NRROS: variants seen among roughly 807,000 people sequenced by gnomAD.
NRROS encodes the protein transforming growth factor beta activator LRRC33.
NRROS carries 6 observed loss-of-function variants against 12.0 expected under a neutral mutation model. The ratio of observed to expected loss-of-function variants is 0.50; its 90% CI spans 0.27 to 0.98. The LOEUF is 0.98. Ranked by LOEUF, NRROS falls within the 50% of genes least tolerant of loss-of-function variation. NRROS has a pLI of 0.11. For missense variants in NRROS, 857 were observed against 888.2 expected, an observed-to-expected ratio of 0.96 and a Z score of 0.45; for synonymous variants, 462 against 410.2, an observed-to-expected ratio of 1.13 and a Z score of -1.53.
Position 196,654,906 on chromosome 3 carries a change from G to C in NRROS, c.108+259G>C. The stretch of plus-strand genomic sequence containing the variant: ...ATAGGAGGCATCCGAGACCAGCCTA[G>C]GGCATCCTCCCGGAACAAGAACAAC... On this transcript the variant is annotated intron_variant, in intron 2 of 2. Coordinates refer to ENST00000328557, the MANE Select transcript of NRROS (RefSeq NM_198565.3). The surrounding 1 kb of genome is among the most constrained non-coding windows in gnomAD (Gnocchi z 4.4). The C allele has an allele frequency of 2.4e-6, 1 of 417,436 alleles. No individual in the cohort carries two copies. The highest frequency in any genetic ancestry group is 4.3e-6 in the Non-Finnish European group (1 of 234,272). The allele number at this position is 417,436 out of a possible 1,614,324, so 25.9% of individuals were successfully genotyped here.
intron 1 of NRROS, among the ~76,000 whole-genome samples, chr3:196,653,935 G>A (rs1025472029): frequency 1.3e-5 from 2 of 152,062 alleles, no homozygotes; most frequent in Non-Finnish European, 1.5e-5. Flanking sequence ...TTCCCTCCGT[G>A]TTTCCCCCGT....
At chr3:196,645,810 C>A (rs764844232) in intron 1 of NRROS, among the ~76,000 whole-genome samples, 2 of 152,170 alleles carry the variant, frequency 1.3e-5, no homozygotes, top group Non-Finnish European at 2.9e-5. Flanking sequence ...CCTGGGTGCT[C>A]GCTTCTCCCC....
In NRROS at chr3:196,651,206, A is replaced by G. The variant is rs528534538; in HGVS notation, c.-13-3321A>G. Among the ~76,000 whole-genome samples, 5 of 152,320 alleles carry G rather than the reference A, an allele frequency of 3.3e-5. No homozygotes were observed. In the South Asian group the frequency reaches 6.2e-4, roughly 19 times the overall value. ...CTACGAAGAGTGTTTCTCAACCTCA[A>G]TGGTCACTATTTTGAAAGCCTTTTA... On this transcript the variant is annotated intron_variant, in intron 1 of 2. Transcript: ENST00000328557.
chr3:196,646,564 C>CGACGCT (rs1737316739), intron 1 of NRROS, among the ~76,000 whole-genome samples: 2 of 152,182 alleles, frequency 1.3e-5, no homozygotes, highest in African/African-American at 4.8e-5. Flanking sequence ...TCTACCAGGC[C>CGACGCT]GACGCTGACC....
chr3:196,656,187 AAC>A (rs1161880170), intron 2 of NRROS, among the ~76,000 whole-genome samples: 1 of 152,208 alleles, frequency 6.6e-6, no homozygotes, highest in Non-Finnish European at 1.5e-5. Flanking sequence ...AAAAAAATGA[AAC>A]ACATATTTAA....
intron 1 of NRROS, among the ~76,000 whole-genome samples, chr3:196,644,185 G>A (rs1347050919): frequency 2.6e-5 from 4 of 152,128 alleles, no homozygotes; most frequent in Non-Finnish European, 5.9e-5. Context: ...CCATTTTGAA[G>A]GCCTCTGACA....
Position 196,659,915 on chromosome 3 carries a change from GCCAC to G in NRROS, c.274_277del (p.His92TrpfsTer52). 1.9e-6 allele frequency: 3 copies of G among 1,614,090 alleles called. No homozygotes were observed. The highest frequency in any genetic ancestry group is 2.5e-6 in the Non-Finnish European group (3 of 1,180,004). On this transcript the variant is annotated frameshift_variant, in exon 3 of 3. Transcript: ENST00000328557. LOFTEE classifies it low-confidence loss of function (END_TRUNC). ...CTGGAGAGCCTCAGCCTGCACAGCT[GCCAC>G]CTGGAGCGCATCAGCCGCGGCGCCT...
chr3:196,660,021 C>G lies in NRROS; in HGVS notation c.378C>G (p.Ala126=). 1 of 1,613,276 alleles carries G rather than the reference C, an allele frequency of 6.2e-7. No individual in the cohort carries two copies. The highest frequency in any genetic ancestry group is 8.5e-7 in the Non-Finnish European group (1 of 1,179,920). ...CLSENYEETA[A]ALHALPGLRR... is the part of the protein sequence containing the mutation. ...CAGAGAACTACGAAGAGACGGCAGC[C>G]GCCCTCCACGCCCTGCCGGGCCTGC... is the stretch of plus-strand genomic sequence containing the variant. Residue 126 remains alanine (A), a synonymous_variant, in exon 3 of 3, where the codon GCC becomes GCG. Transcript: ENST00000328557. This position sits in a 1 kb window ranked among gnomAD's most constrained non-coding sequence, Gnocchi z 7.7.
intron 1 of NRROS, among the ~76,000 whole-genome samples, chr3:196,643,818 C>T (rs556463948): frequency 9.6e-4 from 146 of 152,304 alleles, no homozygotes; most frequent in Non-Finnish European, 1.9e-3. Context: ...TGCAGTGTCT[C>T]CCCTCTGTGG....
chr3:196,650,617 T>G (rs1288371135), intron 1 of NRROS, among the ~76,000 whole-genome samples: 1 of 152,240 alleles, frequency 6.6e-6, no homozygotes, highest in Non-Finnish European at 1.5e-5. Flanking sequence ...GGAGACTCTT[T>G]GCAGCGGCTG....
rs1241924067 is a variant in NRROS, at chr3:196,660,375, C to T, written c.732C>T (p.Thr244=). The change falls in exon 3 of 3, where the codon ACC becomes ACT. Residue 244 remains threonine, a synonymous_variant. Transcript: ENST00000328557. This position sits in a 1 kb window ranked among gnomAD's most constrained non-coding sequence, Gnocchi z 7.7. ...ACGTCCTGGAGTGGTTCCTCGCGAC[C>T]GGGGGAGAGGCTGCCTTCGAGCTGG... ...SYNVLEWFLA[T]GGEAAFELET... is the part of the protein sequence containing the mutation. 4 of 1,613,866 alleles carry T rather than the reference C, an allele frequency of 2.5e-6. No homozygotes were observed. The South Asian group carries it at 3.3e-5, about 13-fold the overall frequency.
At chr3:196,646,767 G>T (rs748380444) in intron 1 of NRROS, among the ~76,000 whole-genome samples, 3 of 152,252 alleles carry the variant, frequency 2.0e-5, no homozygotes, top group Admixed American at 6.5e-5. Context: ...AGAGTCTCTC[G>T]CCACGAGCCC....
intron 1 of NRROS, among the ~76,000 whole-genome samples, chr3:196,641,192 G>A (rs965624220): frequency 6.6e-6 from 1 of 151,634 alleles, no homozygotes; most frequent in East Asian, 1.9e-4. Flanking sequence ...CACAAAGAAG[G>A]CACTTTTTAA....
intron 2 of NRROS, among the ~76,000 whole-genome samples, chr3:196,658,822 T>C (rs1300676160): frequency 2.0e-5 from 3 of 152,036 alleles, no homozygotes; most frequent in East Asian, 3.9e-4. Context: ...CAAAAAAAGT[T>C]AGCTGGGCGT....
Position 196,654,763 on chromosome 3 carries a change from C to A in NRROS, c.108+116C>A. The stretch of plus-strand genomic sequence containing the variant: ...GGGCAGAGAATGAAGGAGCCTGCAT[C>A]ACTCTGTGCCTGCCTAGCACAGGGG... On this transcript the variant is annotated intron_variant, in intron 2 of 2. Coordinates refer to ENST00000328557, the MANE Select transcript of NRROS (RefSeq NM_198565.3). This position sits in a 1 kb window ranked among gnomAD's most constrained non-coding sequence, Gnocchi z 4.4. 1 of 654,072 alleles carries A rather than the reference C, an allele frequency of 1.5e-6. No homozygotes were observed. The highest frequency in any genetic ancestry group is 2.7e-6 in the Non-Finnish European group (1 of 375,084). The allele number at this position is 654,072 out of a possible 1,614,324, so 40.5% of individuals were successfully genotyped here.
intron 2 of NRROS, 98 bp from the exon 3 acceptor site, chr3:196,659,654 G>A: frequency 5.7e-6 from 7 of 1,230,432 alleles, no homozygotes; most frequent in Non-Finnish European, 7.9e-6. Context: ...GCCATCCCCG[G>A]CGGTTGCAGG....
chr3:196,659,697 A>G lies in NRROS; in HGVS notation c.109-55A>G, dbSNP rs55803134. 612 of 1,543,162 alleles carry G rather than the reference A, an allele frequency of 4.0e-4. 3 individuals are homozygous for G. The African/African-American group carries it at 6.5e-3, about 16-fold the overall frequency. ...TGATAAGTGAACTAAGTTTCTATGC[A>G]TAAATGCTTGCCTCTGGGCCTCCTC... On this transcript the variant is annotated intron_variant, in intron 2 of 2. Transcript: ENST00000328557.
rs551574884 is a variant in NRROS, at chr3:196,659,983, G to A, written c.340G>A (p.Asp114Asn). The A allele has an allele frequency of 3.2e-5, 52 of 1,613,742 alleles. No homozygotes were observed. In the African/African-American group the frequency reaches 6.0e-4, roughly 19 times the overall value. The stretch of plus-strand genomic sequence containing the variant: ...TCACCTGCGCAGCCTGGTCCTGGGG[G>A]ACAACTGCCTCTCAGAGAACTACGA... Reference protein sequence around the residue: ...QGHLRSLVLGDNCLSENYEET... With the variant: ...QGHLRSLVLGNNCLSENYEET... Residue 114 changes from aspartate to asparagine, a missense_variant, in exon 3 of 3, where the codon GAC becomes AAC. Transcript: ENST00000328557.
At chr3:196,659,022 C>T (rs1737603222) in intron 2 of NRROS, among the ~76,000 whole-genome samples, 1 of 152,304 alleles carries the variant, frequency 6.6e-6, no homozygotes. Context: ...TAAATAACAT[C>T]CTATGGCTGA....
Sources: allele counts gnomAD v4.1 joint callset (sites outside exome capture counted in the v4.1 genomes callset), GRCh38; gene constraint gnomAD v4.1.1; non-coding constraint Gnocchi (gnomAD v3.1); transcripts MANE v1.5; gene names NCBI Gene and HGNC (gene_info 2026-07-23, HGNC 2026-07-21).